SYCP2L: variants seen among roughly 807,000 people sequenced by gnomAD.
SYCP2L encodes synaptonemal complex protein 2-like.
Under a neutral mutation model 125.8 loss-of-function variants are expected in SYCP2L, and 98 were observed. The observed-to-expected ratio is 0.78, with a 90% CI of 0.66 to 0.92. The LOEUF (loss-of-function observed/expected upper bound fraction) is 0.92. Among genes scored for constraint, SYCP2L ranks in the 40% least tolerant of loss-of-function variants. The pLI is 0.00. For missense variants in SYCP2L, 842 were observed against 936.4 expected, an observed-to-expected ratio of 0.90 and a Z score of 1.32; for synonymous variants, 317 against 325.4, an observed-to-expected ratio of 0.97 and a Z score of 0.28.
intron 8 of SYCP2L, 74 bp from the exon 9 acceptor site, chr6:10,905,945 GT>G: frequency 1.0e-6 from 1 of 989,518 alleles, no homozygotes; most frequent in Admixed American, 2.2e-5. Context: ...TGGTTTTAAA[GT>G]TTAATGCTAG....
chr6:10,921,719 T>C (rs1373999105), intron 14 of SYCP2L, among the ~76,000 whole-genome samples: 1 of 152,050 alleles, frequency 6.6e-6, no homozygotes, highest in Non-Finnish European at 1.5e-5. Context: ...CCTTTTTTTT[T>C]TTTTGAGATG....
chr6:10,937,890 C>A (rs1274533896), intron 21 of SYCP2L, among the ~76,000 whole-genome samples: 1 of 152,102 alleles, frequency 6.6e-6, no homozygotes, highest in Non-Finnish European at 1.5e-5. Flanking sequence ...TGAACAGACC[C>A]ATAATGAGTA....
chr6:10,889,616 C>CTTT (rs34273350), intron 1 of SYCP2L, among the ~76,000 whole-genome samples: 36 of 101,406 alleles, frequency 3.6e-4, no homozygotes, highest in Non-Finnish European at 3.9e-4. Context: ...TGAGATCAGC[C>CTTT]TTTTTTTTTT....
At chr6:10,897,878 C>A in intron 4 of SYCP2L, 133 bp from the exon 5 acceptor site, 2 of 646,560 alleles carry the variant, frequency 3.1e-6, no homozygotes, top group South Asian at 1.8e-5. Flanking sequence ...CAGAGCCAGG[C>A]CTCATTGAAA....
At chr6:10,969,487 A>T (rs538293435) in intron 29 of SYCP2L, among the ~76,000 whole-genome samples, 26 of 150,222 alleles carry the variant, frequency 1.7e-4, no homozygotes, top group African/African-American at 5.9e-4. Flanking sequence ...CAGCCTCCCG[A>T]GTAGCTGGGA....
intron 2 of SYCP2L, among the ~76,000 whole-genome samples, chr6:10,892,903 C>T (rs886655188): frequency 1.2e-4 from 18 of 151,824 alleles, no homozygotes; most frequent in Admixed American, 3.9e-4. Context: ...TAAATTGCTT[C>T]CTTATTAAAA....
chr6:10,967,454 G>GGGGTGGGTGTGTGTGTGT (rs56098075), intron 29 of SYCP2L, among the ~76,000 whole-genome samples: 1 of 138,838 alleles, frequency 7.2e-6, no homozygotes. Flanking sequence ...TGGGGTAGAG[G>GGGGTGGGTGTGTGTGTGT]GTGTGTGTGT....
intron 26 of SYCP2L, among the ~76,000 whole-genome samples, chr6:10,959,465 G>A (rs1358307530): frequency 6.6e-6 from 1 of 152,212 alleles, no homozygotes; most frequent in Non-Finnish European, 1.5e-5. Flanking sequence ...TTCTGGAAAT[G>A]GATAGTGATG....
chr6:10,957,073 C>T (rs892026672), intron 25 of SYCP2L, among the ~76,000 whole-genome samples: 3 of 152,140 alleles, frequency 2.0e-5, no homozygotes, highest in Non-Finnish European at 2.9e-5. Flanking sequence ...AGGTGATCCT[C>T]CTGCTTCAGC....
rs1213873129 is a variant in SYCP2L at position 10,936,311 on chromosome 6, A to AT, written c.1813+1125dup. ...CAGGAGTTCGAGACCAGCCTGACCA[A>AT]TATAGTGAAACCTCGTCTCTACTAA... On this transcript the variant is annotated intron_variant, in intron 21 of 29. Transcript: ENST00000283141. Among the ~76,000 whole-genome samples, 5 of 152,164 alleles carry AT rather than the reference A, an allele frequency of 3.3e-5. No homozygotes were observed. In the East Asian group the frequency reaches 9.7e-4, roughly 29 times the overall value.
rs1330806673 is a variant in SYCP2L, at chr6:10,964,975, C to T, written c.*37+1132C>T. On this transcript the variant is annotated intron_variant, in intron 29 of 29. Coordinates refer to ENST00000283141, the MANE Select transcript of SYCP2L (RefSeq NM_001040274.3). ...TGAAGTGAATTGGGAGGATGGTAGA[C>T]TCTCAACGAGGTAAGACTTCATTGT... is the stretch of plus-strand genomic sequence containing the variant. Among the ~76,000 whole-genome samples the T allele has an allele frequency of 2.0e-5, 3 of 152,130 alleles. No homozygotes were observed. The South Asian group carries it at 6.2e-4, about 32-fold the overall frequency.
intron 21 of SYCP2L, among the ~76,000 whole-genome samples, chr6:10,941,576 AT>A (rs1483754313): frequency 1.3e-5 from 2 of 152,268 alleles, no homozygotes; most frequent in African/African-American, 4.8e-5. Context: ...CATCAGAGAA[AT>A]GCAAATCAAA....
intron 29 of SYCP2L, among the ~76,000 whole-genome samples, chr6:10,967,405 A>T (rs1279684758): frequency 2.0e-5 from 3 of 151,576 alleles, no homozygotes; most frequent in Non-Finnish European, 4.4e-5. Flanking sequence ...AAATGCTAAA[A>T]ATTTAGCAAA....
intron 14 of SYCP2L, among the ~76,000 whole-genome samples, chr6:10,921,225 G>T (rs138638116): frequency 6.6e-6 from 1 of 151,994 alleles, no homozygotes; most frequent in Non-Finnish European, 1.5e-5. Flanking sequence ...TTTTTTTATG[G>T]CTGCATAGTA....
In SYCP2L at chr6:10,923,471, C is replaced by T. The variant is rs550866756; in HGVS notation, c.1073-1025C>T. 1.4e-3 allele frequency among the ~76,000 whole-genome samples: 211 copies of T among 148,096 alleles called. 3 individuals carry two copies. The highest frequency in any genetic ancestry group is 0.014 in the Middle Eastern group (4 of 284). ...CATGATCTCGGCTCATTGCAACCTC[C>T]GCTTAGCGGGTTCAAGCAATTCTCC... On this transcript the variant is annotated intron_variant, in intron 14 of 29. Coordinates refer to ENST00000283141, the MANE Select transcript of SYCP2L (RefSeq NM_001040274.3).
At chr6:10,943,972 T>C (rs1781267060) in intron 23 of SYCP2L, among the ~76,000 whole-genome samples, 1 of 152,216 alleles carries the variant, frequency 6.6e-6, no homozygotes, top group Non-Finnish European at 1.5e-5. Context: ...ATTTGGATTT[T>C]TGCAATTTGG....
intron 9 of SYCP2L, 92 bp downstream of exon 9, chr6:10,906,146 G>T (rs1048161637): frequency 1.7e-5 from 12 of 708,950 alleles, no homozygotes; most frequent in African/African-American, 1.4e-4. Flanking sequence ...AATAAATTAT[G>T]GTTAAATTGA....
At chr6:10,923,586 G>C (rs1369542667) in intron 14 of SYCP2L, among the ~76,000 whole-genome samples, 1 of 151,478 alleles carries the variant, frequency 6.6e-6, no homozygotes, top group African/African-American at 2.4e-5. Context: ...GGGTTTCAGT[G>C]TGTTGGTCAG....
At chr6:10,918,577 G>A (rs1780730078) in intron 14 of SYCP2L, among the ~76,000 whole-genome samples, 1 of 151,154 alleles carries the variant, frequency 6.6e-6, no homozygotes, top group Non-Finnish European at 1.5e-5. Context: ...TCGCTCTGTT[G>A]CCAGGCTGGA....
Sources: gnomAD v4.1 joint callset for allele counts (sites outside exome capture counted in the v4.1 genomes callset) on GRCh38, gnomAD v4.1.1 for gene constraint, MANE v1.5 for transcripts, NCBI Gene and HGNC (gene_info 2026-07-23, HGNC 2026-07-21) for gene names.